The following NR5A2 variants were observed in gnomAD, a reference collection of about 807,000 sequenced individuals.
NR5A2 encodes nuclear receptor subfamily 5 group A member 2.
NR5A2 carries 26 observed loss-of-function variants against 62.7 expected under a neutral mutation model. The ratio of observed to expected loss-of-function variants is 0.41; its 90% CI spans 0.30 to 0.58. NR5A2 has a LOEUF of 0.58. NR5A2 is among the 20% of genes least tolerant of loss of function. NR5A2 has a pLI of 0.22. For synonymous variants in NR5A2, 246 were observed against 241.7 expected, an observed-to-expected ratio of 1.02 and a Z score of -0.16; for missense variants, 541 against 669.1, an observed-to-expected ratio of 0.81 and a Z score of 2.11.
At chr1:200,103,124 T>TC (rs1434860866) in intron 5 of NR5A2, among the ~76,000 whole-genome samples, 1 of 134,078 alleles carries the variant, frequency 7.5e-6, no homozygotes, top group Admixed American at 7.5e-5. Context: ...GTAAAACTCT[T>TC]TTTTTTTTTT....
chr1:200,161,229 G>T (rs1653627391), intron 7 of NR5A2, among the ~76,000 whole-genome samples: 1 of 152,100 alleles, frequency 6.6e-6, no homozygotes, highest in Admixed American at 6.5e-5. Flanking sequence ...TTGAGGTTTA[G>T]GGGCAAACTA....
At chr1:200,052,720 C>G (rs1662697671) in intron 5 of NR5A2, among the ~76,000 whole-genome samples, 2 of 151,876 alleles carry the variant, frequency 1.3e-5, no homozygotes, top group Non-Finnish European at 2.9e-5. Flanking sequence ...TGGCTCATTG[C>G]AAGCTCCGCC....
intron 7 of NR5A2, among the ~76,000 whole-genome samples, chr1:200,130,321 G>GAAA (rs869144970): frequency 3.2e-5 from 1 of 31,732 alleles, no homozygotes; most frequent in Non-Finnish European, 8.9e-5. Flanking sequence ...AGAAGAAGAA[G>GAAA]AAAAAAAAAA....
At chr1:200,128,682 C>G (rs1343375911) in intron 7 of NR5A2, among the ~76,000 whole-genome samples, 2 of 152,004 alleles carry the variant, frequency 1.3e-5, no homozygotes, top group Non-Finnish European at 1.5e-5. Context: ...GACGAGCTCC[C>G]TGGGGCAGGG....
intron 7 of NR5A2, among the ~76,000 whole-genome samples, chr1:200,169,474 G>C (rs1049259538): frequency 6.6e-6 from 1 of 152,278 alleles, no homozygotes; most frequent in South Asian, 2.1e-4. Flanking sequence ...AGCTACCAGG[G>C]AGGCAGAGAA....
At chr1:200,098,237 C>CA (rs1665191825) in intron 5 of NR5A2, among the ~76,000 whole-genome samples, 1 of 152,154 alleles carries the variant, frequency 6.6e-6, no homozygotes, top group South Asian at 2.1e-4. Flanking sequence ...ATCTCCCAAA[C>CA]AGAATCACTT....
intron 7 of NR5A2, among the ~76,000 whole-genome samples, chr1:200,167,939 G>A (rs1349525700): frequency 6.6e-6 from 1 of 152,080 alleles, no homozygotes; most frequent in Non-Finnish European, 1.5e-5. Flanking sequence ...CATCCTGTAA[G>A]GGCACTGCTT....
At chr1:200,112,781 G>A (rs984551238) in intron 6 of NR5A2, among the ~76,000 whole-genome samples, 3 of 152,104 alleles carry the variant, frequency 2.0e-5, no homozygotes, top group African/African-American at 4.8e-5. Flanking sequence ...TGGAGAAAAT[G>A]TACCCATTTT....
chr1:200,173,614 T>C lies in NR5A2; in HGVS notation c.1379-349T>C, dbSNP rs150760523. ...GTGTAATATACTGGGTTAAGATAGGTCTTTCTCCAGGGACTCATTTGCTGG... is the reference window on the plus strand; with the variant it reads ...GTGTAATATACTGGGTTAAGATAGGCCTTTCTCCAGGGACTCATTTGCTGG... On this transcript the variant is annotated intron_variant, in intron 7 of 7. Coordinates refer to ENST00000367362, the MANE Select transcript of NR5A2 (RefSeq NM_205860.3). Among the ~76,000 whole-genome samples the C allele has an allele frequency of 4.7e-4, 71 of 152,336 alleles. 1 individual carries two copies. Among genetic ancestry groups the C allele is most frequent in the African/African-American group, 1.6e-3 (68 of 41,570 alleles).
intron 5 of NR5A2, chr1:200,057,518 G>A (rs767327676): frequency 2.4e-5 from 6 of 247,890 alleles, no homozygotes; most frequent in East Asian, 1.7e-4. Flanking sequence ...TCACTCTGTC[G>A]CCCAGTCTGG....
intron 7 of NR5A2, among the ~76,000 whole-genome samples, chr1:200,156,546 C>A (rs10919822): frequency 0.031 from 4,763 of 152,046 alleles, 256 homozygotes; most frequent in African/African-American, 0.11. Flanking sequence ...TACAGGTGCC[C>A]CCCCACCACA....
chr1:200,065,986 G>T (rs1181004933), intron 5 of NR5A2, among the ~76,000 whole-genome samples: 1 of 152,192 alleles, frequency 6.6e-6, no homozygotes, highest in East Asian at 1.9e-4. Flanking sequence ...GTTTGACAAG[G>T]TCCAGCTCCT....
chr1:200,066,308 T>G (rs1663463906), intron 5 of NR5A2, among the ~76,000 whole-genome samples: 1 of 152,132 alleles, frequency 6.6e-6, no homozygotes, highest in African/African-American at 2.4e-5. Context: ...CTCAGGTTTT[T>G]GGCTTAAGCC....
At chr1:200,078,597 TTTC>T (rs61430710) in intron 5 of NR5A2, among the ~76,000 whole-genome samples, 29,456 of 152,000 alleles carry the variant, frequency 0.19, 2,929 homozygotes, top group East Asian at 0.28. Flanking sequence ...AACTATTAAT[TTTC>T]TTCCAATATA....
intron 5 of NR5A2, among the ~76,000 whole-genome samples, chr1:200,049,775 AGATT>A (rs988015585): frequency 8.5e-5 from 13 of 152,132 alleles, no homozygotes; most frequent in Admixed American, 6.6e-4. Context: ...CTAGGACAGG[AGATT>A]GATTGTAAAA....
chr1:200,134,570 G>A (rs577526212), intron 7 of NR5A2, among the ~76,000 whole-genome samples: 7 of 152,190 alleles, frequency 4.6e-5, no homozygotes, highest in South Asian at 4.1e-4. Context: ...TGATGATCGC[G>A]CAACGAAATC....
Position 200,039,329 on chromosome 1 carries a change from G to T in NR5A2, c.65-329G>T, listed in dbSNP as rs1661936830. The stretch of plus-strand genomic sequence containing the variant: ...GGGCGGCAATAGCAGCCCCGCGGTC[G>T]CCTCCGCTGCCCGCCGGGAGCTCGG... On this transcript the variant is annotated intron_variant, in intron 1 of 7. Transcript: ENST00000367362. This position sits in a 1 kb window ranked among gnomAD's most constrained non-coding sequence, Gnocchi z 5.1. 1.3e-5 allele frequency among the ~76,000 whole-genome samples: 2 copies of T among 152,022 alleles called. No individual in the cohort carries two copies. The highest frequency in any genetic ancestry group is 4.8e-5 in the African/African-American group (2 of 41,428).
chr1:200,160,093 T>C (rs753226602), intron 7 of NR5A2, among the ~76,000 whole-genome samples: 6 of 152,206 alleles, frequency 3.9e-5, no homozygotes, highest in Non-Finnish European at 8.8e-5. Context: ...ACCTAGGGGA[T>C]AGAAAACAAT....
chr1:200,138,958 G>A (rs1558162413), intron 7 of NR5A2, among the ~76,000 whole-genome samples: 1 of 152,176 alleles, frequency 6.6e-6, no homozygotes, highest in Non-Finnish European at 1.5e-5. Flanking sequence ...GTGGGGTCTT[G>A]AGTAAAATTG....
Sources: gnomAD v4.1 joint callset for allele counts (sites outside exome capture counted in the v4.1 genomes callset) on GRCh38, gnomAD v4.1.1 for gene constraint, Gnocchi (gnomAD v3.1) non-coding constraint, MANE v1.5 for transcripts, NCBI Gene and HGNC (gene_info 2026-07-23, HGNC 2026-07-21) for gene names.